The following C18orf63 variants were observed in gnomAD, a reference collection of about 807,000 sequenced individuals.
C18orf63 encodes uncharacterized protein C18orf63.
Under a neutral mutation model 75.3 loss-of-function variants are expected in C18orf63, and 50 were observed. The ratio of observed to expected loss-of-function variants is 0.66; its 90% CI spans 0.53 to 0.84. The LOEUF (loss-of-function observed/expected upper bound fraction) is 0.84, where lower values mean the gene tolerates loss of function less well. Among genes scored for constraint, C18orf63 ranks in the 40% least tolerant of loss-of-function variants. The pLI is 0.00. For synonymous variants in C18orf63, 232 were observed against 267.6 expected (o/e 0.87, Z 1.30); for missense variants, 732 against 800.2 (o/e 0.91, Z 1.03).
Position 74,342,085 on chromosome 18 carries a change from C to A in C18orf63, c.665C>A (p.Pro222His), listed in dbSNP as rs941566310. Residue 222 changes from proline to histidine, a missense_variant, in exon 9 of 14, where the codon CCT (proline) becomes CAT (histidine). By Grantham distance (77) the Pro-to-His change is moderately conservative. Coordinates refer to ENST00000579455, the MANE Select transcript of C18orf63 (RefSeq NM_001174123.2). ...TTTCATGCCATCCCCGCTGCCTGTC[C>A]TTTTCACTCATATGGAGATTTCCAG... ...NIFHAIPAAC[P>H]FHSYGDFQRH... The A allele has an allele frequency of 1.2e-5, 18 of 1,529,088 alleles. No individual in the cohort carries two copies. The highest frequency in any genetic ancestry group is 1.5e-5 in the Non-Finnish European group (17 of 1,141,078). The allele number at this position is 1,529,088 out of a possible 1,614,324, so 94.7% of individuals were successfully genotyped here.
In C18orf63 at chr18:74,334,763, C is replaced by T. The variant is rs549200403; in HGVS notation, c.501+3821C>T. Reference sequence around the variant, plus strand: ...CCTTTCAAAAATCTACCATGGCCTCCATTGACTATAAGATGAAATCTCAGC... The same window carrying T: ...CCTTTCAAAAATCTACCATGGCCTCTATTGACTATAAGATGAAATCTCAGC... On this transcript the variant is annotated intron_variant, in intron 7 of 13. Transcript: ENST00000579455. 2.0e-5 allele frequency among the ~76,000 whole-genome samples: 3 copies of T among 152,238 alleles called. No homozygotes were observed. In the South Asian group the frequency reaches 6.2e-4, roughly 32 times the overall value.
chr18:74,350,511 A>G (rs1984649095), intron 11 of C18orf63, among the ~76,000 whole-genome samples: 1 of 152,124 alleles, frequency 6.6e-6, no homozygotes, highest in East Asian at 1.9e-4. Context: ...GAAGGTGGAG[A>G]TGGTCATCTA....
chr18:74,353,590 T>C lies in C18orf63; in HGVS notation c.1323T>C (p.Asn441=). ...ITPKFVPVFK[N]RLLQMNKNTS... ...CTAAGTTTGTACCAGTTTTCAAAAA[T>C]AGATTGTTACAAATGAACAAAAATA... The change falls in exon 12 of 14, where the codon AAT becomes AAC. Residue 441 remains asparagine (N), a synonymous_variant. Coordinates refer to ENST00000579455, the MANE Select transcript of C18orf63 (RefSeq NM_001174123.2). 2 of 1,536,410 alleles carry C rather than the reference T, an allele frequency of 1.3e-6. No individual in the cohort carries two copies. The highest frequency in any genetic ancestry group is 2.4e-5 in the East Asian group (1 of 40,924).
Position 74,322,750 on chromosome 18 carries a change from C to A in C18orf63, c.266C>A (p.Ala89Asp). ...KLNAYVEKYG[A>D]KMEAPQRVIP... Reference sequence around the variant, plus strand: ...AATGCCTATGTTGAAAAATATGGAGCTAAGGTAAGTGTTAAAAAATGATAT... The same window carrying A: ...AATGCCTATGTTGAAAAATATGGAGATAAGGTAAGTGTTAAAAAATGATAT... Residue 89 changes from alanine to aspartate, a missense_variant, in exon 4 of 14, where the codon GCT becomes GAT. By Grantham distance (126) the Ala-to-Asp change is moderately radical (BLOSUM62 -2). Coordinates refer to ENST00000579455, the MANE Select transcript of C18orf63 (RefSeq NM_001174123.2). 1.5e-6 allele frequency: 2 copies of A among 1,294,412 alleles called. No homozygotes were observed. The highest frequency in any genetic ancestry group is 2.1e-6 in the Non-Finnish European group (2 of 951,478). 80.2% of individuals were successfully genotyped at this position (1,294,412 alleles called of 1,614,324 possible). A position where few individuals can be genotyped will look rare whatever the true frequency, so the allele number is the denominator to read the frequency against.
At position 74,358,688 on chromosome 18, in the gene C18orf63, T is replaced by A. The variant is rs912245235; in HGVS notation, c.*2241T>A. The A allele has an allele frequency of 2.0e-5, 3 of 152,126 alleles. No individual in the cohort carries two copies. The highest frequency in any genetic ancestry group is 7.2e-5 in the African/African-American group (3 of 41,442). 9.4% of individuals were successfully genotyped at this position (152,126 alleles called of 1,614,324 possible). Reference sequence around the variant, plus strand: ...TTTTAATTTTAAAACCATAAGAAAATAATTTTATGTTTGCCTATGTCCAGG... The same window carrying A: ...TTTTAATTTTAAAACCATAAGAAAAAAATTTTATGTTTGCCTATGTCCAGG... On this transcript the variant is annotated 3_prime_UTR_variant, in exon 14 of 14. Transcript: ENST00000579455.
rs1243216068 is a variant in C18orf63 at position 74,358,239 on chromosome 18, C to T, written c.*1792C>T. ...AAAATTTAGAATATATAGTATAGTACTTGAGTTTAGATCAATGTTAACCTA... is the reference window on the plus strand; with the variant it reads ...AAAATTTAGAATATATAGTATAGTATTTGAGTTTAGATCAATGTTAACCTA... On this transcript the variant is annotated 3_prime_UTR_variant, in exon 14 of 14. Transcript: ENST00000579455. The T allele has an allele frequency of 6.6e-6, 1 of 151,814 alleles. No individual in the cohort carries two copies. 9.4% of individuals were successfully genotyped at this position (151,814 alleles called of 1,614,324 possible). A position where few individuals can be genotyped will look rare whatever the true frequency, so the allele number is the denominator to read the frequency against.
At position 74,354,233 on chromosome 18, in the gene C18orf63, G is replaced by C. The variant is rs1477418304; in HGVS notation, c.1966G>C (p.Val656Leu). The change falls in exon 12 of 14, where the codon GTG becomes CTG. Residue 656 changes from valine to leucine, a missense_variant. Val to Leu is a conservative substitution (Grantham distance 32). Coordinates refer to ENST00000579455, the MANE Select transcript of C18orf63 (RefSeq NM_001174123.2). The part of the protein sequence containing the change: ...KTSKKHHSDT[V>L]HYGQSSSSKK... ...TTCAAAGAAGCATCATTCCGATACT[G>C]TGCACTATGGCCAATCCAGTTCTTC... is the stretch of plus-strand genomic sequence containing the variant. 6.5e-7 allele frequency: 1 copy of C among 1,528,958 alleles called. No homozygotes were observed. The highest frequency in any genetic ancestry group is 2.1e-5 in the Admixed American group (1 of 48,568). The allele number at this position is 1,528,958 out of a possible 1,614,324, so 94.7% of individuals were successfully genotyped here. A position where few individuals can be genotyped will look rare whatever the true frequency, so the allele number is the denominator to read the frequency against.
intron 3 of C18orf63, 105 bp downstream of exon 3, chr18:74,320,696 A>G: frequency 4.5e-6 from 3 of 660,914 alleles, no homozygotes; most frequent in Non-Finnish European, 7.4e-6. Flanking sequence ...ATGAGGATTA[A>G]TTGATTAATC....
At chr18:74,328,197 A>C in intron 5 of C18orf63, 139 bp downstream of exon 5, 1 of 589,204 alleles carries the variant, frequency 1.7e-6, no homozygotes, top group South Asian at 2.3e-5. Context: ...GTGGATTCAC[A>C]GTTCCACATG....
At chr18:74,323,184 C>A (rs867597260) in intron 4 of C18orf63, among the ~76,000 whole-genome samples, 2 of 152,166 alleles carry the variant, frequency 1.3e-5, no homozygotes, top group African/African-American at 4.8e-5. Context: ...TTTACTGAGA[C>A]CTCTCTGTGT....
intron 11 of C18orf63, among the ~76,000 whole-genome samples, chr18:74,344,092 A>G (rs187170994): frequency 7.8e-4 from 119 of 152,204 alleles, no homozygotes; most frequent in African/African-American, 1.9e-3. Flanking sequence ...TGGGGCTTCT[A>G]TGGAACCACT....
intron 4 of C18orf63, among the ~76,000 whole-genome samples, chr18:74,325,813 A>G (rs1035164694): frequency 3.0e-4 from 45 of 152,236 alleles, no homozygotes; most frequent in Non-Finnish European, 3.2e-4. Context: ...AGTCACTCAC[A>G]TAGAAAAGGT....
chr18:74,320,261 G>A (rs1486389792), intron 2 of C18orf63, among the ~76,000 whole-genome samples: 1 of 152,114 alleles, frequency 6.6e-6, no homozygotes, highest in Non-Finnish European at 1.5e-5. Context: ...AAGGGTGAAG[G>A]GGAAGCAAGC....
intron 12 of C18orf63, 52 bp from the exon 13 acceptor site, chr18:74,354,405 G>A: frequency 7.9e-7 from 1 of 1,269,830 alleles, no homozygotes; most frequent in South Asian, 1.4e-5. Flanking sequence ...TAGAGCGACT[G>A]TAAGTCTATG....
intron 8 of C18orf63, among the ~76,000 whole-genome samples, 153 bp downstream of exon 8, chr18:74,338,977 T>G (rs975701018): frequency 6.6e-6 from 1 of 152,048 alleles, no homozygotes; most frequent in African/African-American, 2.4e-5. Flanking sequence ...TGAAACAATA[T>G]TGTCATATTT....
At chr18:74,331,599 G>A (rs1390581541) in intron 7 of C18orf63, among the ~76,000 whole-genome samples, 1 of 152,138 alleles carries the variant, frequency 6.6e-6, no homozygotes, top group Non-Finnish European at 1.5e-5. Context: ...TGTTGCTACT[G>A]ACATCTAGTG....
intron 2 of C18orf63, 123 bp from the exon 3 acceptor site, chr18:74,320,390 G>A: frequency 1.7e-6 from 1 of 582,164 alleles, no homozygotes; most frequent in South Asian, 2.4e-5. Context: ...CCGCCGCCAT[G>A]AGCCAATCAC....
intron 7 of C18orf63, among the ~76,000 whole-genome samples, chr18:74,337,625 A>T (rs1296307290): frequency 6.6e-6 from 1 of 152,114 alleles, no homozygotes; most frequent in African/African-American, 2.4e-5. Flanking sequence ...CAGGCAACTG[A>T]TCTCTTAAGC....
Position 74,358,869 on chromosome 18 carries a change from A to G in C18orf63, c.*2422A>G, listed in dbSNP as rs1010304713. The stretch of plus-strand genomic sequence containing the variant: ...TACTATATTTGTTTTTATTTTTATT[A>G]TATATCATAATTACACATTTTTATT... On this transcript the variant is annotated 3_prime_UTR_variant, in exon 14 of 14. Coordinates refer to ENST00000579455, the MANE Select transcript of C18orf63 (RefSeq NM_001174123.2). The G allele has an allele frequency of 2.0e-5, 3 of 151,990 alleles. No homozygotes were observed. Among genetic ancestry groups the G allele is most frequent in the East Asian group, 1.9e-4 (1 of 5,196 alleles). The allele number at this position is 151,990 out of a possible 1,614,324, so 9.4% of individuals were successfully genotyped here. A position where few individuals can be genotyped will look rare whatever the true frequency, so the allele number is the denominator to read the frequency against.
Sources: allele counts gnomAD v4.1 joint callset (sites outside exome capture counted in the v4.1 genomes callset), GRCh38; gene constraint gnomAD v4.1.1; transcripts MANE v1.5; gene names NCBI Gene and HGNC (gene_info 2026-07-23, HGNC 2026-07-21).